Variants in FAM161A observed in about 807,000 individuals in gnomAD.
The protein encoded by FAM161A is protein FAM161A.
A neutral mutation model predicts 70.9 loss-of-function variants in FAM161A; 57 were observed. The ratio of observed to expected loss-of-function variants is 0.80; its 90% CI spans 0.65 to 1.00. The LOEUF (loss-of-function observed/expected upper bound fraction) is 1.00. FAM161A is among the 50% of genes least tolerant of loss of function. FAM161A has a pLI of 0.00. For synonymous variants in FAM161A, 299 were observed against 295.7 expected (o/e 1.01, Z -0.12); for missense variants, 880 against 836.0 (o/e 1.05, Z -0.65).
the FAM161A span, among the ~76,000 whole-genome samples, chr2:61,809,467 CAA>C: frequency 5.3e-5 from 8 of 152,192 alleles, no homozygotes; most frequent in Non-Finnish European, 8.8e-5. Context: ...ACTGCCAGTT[CAA>C]AGTCTCCACT....
the FAM161A span, among the ~76,000 whole-genome samples, chr2:61,805,137 T>C: frequency 4.6e-5 from 7 of 152,230 alleles, no homozygotes; most frequent in African/African-American, 1.7e-4. Context: ...AGAAAATCTT[T>C]GAATCTCTGA....
At chr2:61,824,043 T>C (rs557372876), downstream of FAM161A, among the ~76,000 whole-genome samples, 5 of 151,932 alleles carry the variant, frequency 3.3e-5, no homozygotes, top group South Asian at 1.0e-3. Context: ...TTTTTTTTTT[T>C]TGAGATGGAG....
At position 61,853,864 on chromosome 2, in the gene FAM161A, C is replaced by A. The variant is rs561436916; in HGVS notation, c.178G>T (p.Ala60Ser). 1.2e-5 allele frequency: 19 copies of A among 1,613,924 alleles called. 1 individual carries two copies. Among genetic ancestry groups the A allele is most frequent in the African/African-American group, 5.3e-5 (4 of 75,060 alleles). Residue 60 changes from alanine to serine, a missense_variant, in exon 1 of 7, where the codon GCA becomes TCA. Physicochemically the swap from Ala to Ser is moderately conservative, Grantham distance 99. Coordinates refer to ENST00000404929, the MANE Select transcript of FAM161A (RefSeq NM_001201543.2). ...EEEKVAQPAG[A>S]SADLNTSFSG... is the part of the protein sequence containing the mutation. Reference sequence around the variant, plus strand: ...AAGTCCCGCCCCAGTATTACCGATGCCCCAGCGGGCTGAGCCACTTTCTCC... The same window carrying A: ...AAGTCCCGCCCCAGTATTACCGATGACCCAGCGGGCTGAGCCACTTTCTCC...
chr2:61,822,383 T>C (rs761301091), downstream of FAM161A, among the ~76,000 whole-genome samples: 2 of 152,088 alleles, frequency 1.3e-5, no homozygotes, highest in Non-Finnish European at 2.9e-5. Context: ...TGACAAGAAA[T>C]GAGACTACCT....
chr2:61,850,261 T>G (rs1673451684), intron 1 of FAM161A, among the ~76,000 whole-genome samples: 1 of 152,006 alleles, frequency 6.6e-6, no homozygotes, highest in South Asian at 2.1e-4. Context: ...CCGGGCGTGG[T>G]GGCACACGCC....
the FAM161A span, among the ~76,000 whole-genome samples, chr2:61,816,490 T>C: frequency 6.6e-6 from 1 of 152,168 alleles, no homozygotes; most frequent in Non-Finnish European, 1.5e-5. Context: ...AGACAGGGTC[T>C]TGCTCTGTCG....
At chr2:61,819,321 C>T in the FAM161A span, among the ~76,000 whole-genome samples, 3 of 152,054 alleles carry the variant, frequency 2.0e-5, no homozygotes, top group Non-Finnish European at 2.9e-5. Context: ...ATTAGCCGGG[C>T]ATGGTGGTGG....
rs551356320 is a variant in FAM161A at position 61,828,431 on chromosome 2, C to T, written c.1852-1173G>A. Among the ~76,000 whole-genome samples the T allele has an allele frequency of 3.3e-5, 5 of 152,130 alleles. No homozygotes were observed. In the South Asian group the frequency reaches 6.2e-4, roughly 19 times the overall value. On this transcript the variant is annotated intron_variant, in intron 5 of 6. Transcript: ENST00000404929. ...GCAGCCTCAACCTGCTGGGCTCAAG[C>T]GATCCTCCCACCTCAGCCTCTGGAG...
the FAM161A span, among the ~76,000 whole-genome samples, chr2:61,804,579 G>A: frequency 1.3e-4 from 19 of 151,830 alleles, no homozygotes; most frequent in Non-Finnish European, 1.5e-4. Flanking sequence ...CAACTACATG[G>A]GAGGCTGAGG....
At chr2:61,805,581 G>A in the FAM161A span, among the ~76,000 whole-genome samples, 13 of 152,138 alleles carry the variant, frequency 8.5e-5, no homozygotes, top group African/African-American at 3.1e-4. Flanking sequence ...TTAAGTATGA[G>A]GTGCCTGATT....
chr2:61,812,615 G>C, the FAM161A span, among the ~76,000 whole-genome samples: 29 of 152,112 alleles, frequency 1.9e-4, no homozygotes, highest in African/African-American at 6.3e-4. Context: ...TCAGCTACTT[G>C]GGAGGCTGAG....
Position 61,825,233 on chromosome 2 carries a change from A to G in FAM161A, c.*1222T>C, listed in dbSNP as rs185499547. 2 of 441,512 alleles carry G rather than the reference A, an allele frequency of 4.5e-6. No homozygotes were observed. Among genetic ancestry groups the G allele is most frequent in the Admixed American group, 2.5e-5 (1 of 39,326 alleles). The allele number at this position is 441,512 out of a possible 1,614,324, so 27.3% of individuals were successfully genotyped here. On this transcript the variant is annotated 3_prime_UTR_variant, in exon 7 of 7. Coordinates refer to ENST00000404929, the MANE Select transcript of FAM161A (RefSeq NM_001201543.2). The stretch of plus-strand genomic sequence containing the variant: ...CAAAAATTTGCTTAAAGAAAAAAAT[A>G]TAGATTTATAAAATCAGATTAACAC...
At chr2:61,838,731 T>C (rs770461472) in intron 3 of FAM161A, 26 bp from the exon 4 acceptor site, 4 of 1,535,618 alleles carry the variant, frequency 2.6e-6, no homozygotes, top group South Asian at 1.3e-5. Flanking sequence ...TAAGGCTTAA[T>C]CCACTTTAAG....
chr2:61,801,013 T>C, the FAM161A span, among the ~76,000 whole-genome samples: 1 of 150,932 alleles, frequency 6.6e-6, no homozygotes, highest in African/African-American at 2.4e-5. Context: ...CAGGCTGGTC[T>C]TGAACTCCTG....
At chr2:61,823,833 G>T (rs1351175844), downstream of FAM161A, among the ~76,000 whole-genome samples, 2 of 152,074 alleles carry the variant, frequency 1.3e-5, no homozygotes, top group Non-Finnish European at 2.9e-5. Flanking sequence ...TTTTCTTGAT[G>T]TTAGGTTACT....
At chr2:61,815,402 C>T in the FAM161A span, among the ~76,000 whole-genome samples, 2 of 151,980 alleles carry the variant, frequency 1.3e-5, no homozygotes, top group African/African-American at 2.4e-5. Flanking sequence ...GGGGACAACT[C>T]GTGACTAATG....
intron 1 of FAM161A, among the ~76,000 whole-genome samples, chr2:61,847,848 G>A (rs1014266591): frequency 1.3e-5 from 2 of 152,046 alleles, no homozygotes; most frequent in African/African-American, 4.8e-5. Flanking sequence ...GTCTAGAAAA[G>A]TACCTGGCTA....
intron 5 of FAM161A, among the ~76,000 whole-genome samples, chr2:61,832,469 A>T (rs1360881444): frequency 2.0e-5 from 3 of 152,246 alleles, no homozygotes; most frequent in Non-Finnish European, 4.4e-5. Flanking sequence ...AAGAAATACA[A>T]GAAATGTAGA....
the FAM161A span, among the ~76,000 whole-genome samples, chr2:61,804,129 A>G: frequency 4.6e-4 from 70 of 152,200 alleles, no homozygotes; most frequent in African/African-American, 1.6e-3. Context: ...ATATAGGGTA[A>G]CTTCCTGACG....
Sources: allele counts gnomAD v4.1 joint callset (sites outside exome capture counted in the v4.1 genomes callset), GRCh38; gene constraint gnomAD v4.1.1; transcripts MANE v1.5; gene names NCBI Gene and HGNC (gene_info 2026-07-23, HGNC 2026-07-21).